Variants in GALNT17 observed in about 807,000 individuals in gnomAD.
The protein encoded by GALNT17 is polypeptide N-acetylgalactosaminyltransferase 17.
GALNT17 carries 29 observed loss-of-function variants against 63.7 expected under a neutral mutation model. That is an observed-to-expected ratio of 0.46 (90% CI 0.34 to 0.62). The LOEUF is 0.62. Among genes scored for constraint, GALNT17 ranks in the 20% least tolerant of loss-of-function variants. The pLI is 0.01. For missense variants in GALNT17, 603 were observed against 799.6 expected (o/e 0.75, Z 2.97); for synonymous variants, 305 against 318.3 (o/e 0.96, Z 0.45).
chr7:71,659,923 A>T (rs1309361320), intron 6 of GALNT17, among the ~76,000 whole-genome samples: 2 of 152,262 alleles, frequency 1.3e-5, no homozygotes, highest in East Asian at 3.9e-4. Flanking sequence ...GCTTTCTCTG[A>T]GCCCACTGGC....
At chr7:71,562,472 A>G (rs952374048) in intron 5 of GALNT17, among the ~76,000 whole-genome samples, 2 of 152,178 alleles carry the variant, frequency 1.3e-5, no homozygotes, top group African/African-American at 4.8e-5. Flanking sequence ...TCCTGCAACT[A>G]GAGGGTCCCA....
intron 6 of GALNT17, among the ~76,000 whole-genome samples, chr7:71,614,724 CAGAA>C (rs905531776): frequency 3.3e-4 from 48 of 146,536 alleles, no homozygotes; most frequent in African/African-American, 6.9e-4. Context: ...AAAAAAGAAA[CAGAA>C]AGAAAAAGAA....
At chr7:71,454,579 A>G (rs772798360) in intron 5 of GALNT17, among the ~76,000 whole-genome samples, 68 of 152,194 alleles carry the variant, frequency 4.5e-4, no homozygotes, top group Non-Finnish European at 9.0e-4. Flanking sequence ...GAAGCCAGAA[A>G]TACTTTGAGA....
At chr7:71,496,562 C>G (rs561525268) in intron 5 of GALNT17, among the ~76,000 whole-genome samples, 1 of 152,236 alleles carries the variant, frequency 6.6e-6, no homozygotes, top group South Asian at 2.1e-4. Flanking sequence ...TTCCACCTGC[C>G]CTCCTTCCCC....
Position 71,378,835 on chromosome 7 carries a change from T to A in GALNT17, c.423-9400T>A, listed in dbSNP as rs555843312. The stretch of plus-strand genomic sequence containing the variant: ...CCCATCTCTACAAAAAAAAAATAAA[T>A]AAATAAATAAAAATAAATTAGCCAG... On this transcript the variant is annotated intron_variant, in intron 2 of 10. Transcript: ENST00000333538. Among the ~76,000 whole-genome samples the A allele has an allele frequency of 2.9e-3, 434 of 150,826 alleles. 4 individuals carry two copies. Among genetic ancestry groups the A allele is most frequent in the Middle Eastern group, 3.4e-3 (1 of 294 alleles).
chr7:71,571,240 G>A (rs779950716), intron 5 of GALNT17, 45 bp from the exon 6 acceptor site: 2 of 1,558,222 alleles, frequency 1.3e-6, no homozygotes, highest in Admixed American at 1.7e-5. Context: ...AAGGGCTTCT[G>A]GCACTGACAC....
chr7:71,554,046 C>T (rs2116838154), intron 5 of GALNT17, among the ~76,000 whole-genome samples: 1 of 152,312 alleles, frequency 6.6e-6, no homozygotes, highest in Middle Eastern at 3.4e-3. Flanking sequence ...TAGCCGATGC[C>T]CTTGGCCCTG....
chr7:71,205,156 T>TC (rs1789248558), intron 1 of GALNT17, among the ~76,000 whole-genome samples: 1 of 68,446 alleles, frequency 1.5e-5, no homozygotes, highest in Non-Finnish European at 2.5e-5. Context: ...TTTTTACTTT[T>TC]TTTTTTTTTT....
chr7:71,407,606 G>A (rs1793352279), intron 3 of GALNT17, among the ~76,000 whole-genome samples: 1 of 152,096 alleles, frequency 6.6e-6, no homozygotes, highest in Non-Finnish European at 1.5e-5. Flanking sequence ...AAATTAGCCG[G>A]ACATGGTGGT....
chr7:71,607,111 G>A (rs560270047), intron 6 of GALNT17, among the ~76,000 whole-genome samples: 1 of 152,104 alleles, frequency 6.6e-6, no homozygotes, highest in Non-Finnish European at 1.5e-5. Context: ...GTTCAAGGCT[G>A]CAGTGAGCCA....
At chr7:71,282,220 G>T (rs754275807) in intron 1 of GALNT17, among the ~76,000 whole-genome samples, 1 of 152,194 alleles carries the variant, frequency 6.6e-6, no homozygotes, top group African/African-American at 2.4e-5. Context: ...TCCTAATGAC[G>T]ACTGGCAGGT....
At chr7:71,335,020 C>T (rs1791872856) in intron 1 of GALNT17, among the ~76,000 whole-genome samples, 1 of 152,200 alleles carries the variant, frequency 6.6e-6, no homozygotes, top group African/African-American at 2.4e-5. Flanking sequence ...AGTTCTGTCT[C>T]ATTTCCTATG....
chr7:71,601,219 A>G lies in GALNT17; in HGVS notation c.1080+29817A>G, dbSNP rs549050111. Reference sequence around the variant, plus strand: ...ATTTGATTGGTTCCATGATTTTGCAATTATAAATTGTGCTGCCGTAAACAT... The same window carrying G: ...ATTTGATTGGTTCCATGATTTTGCAGTTATAAATTGTGCTGCCGTAAACAT... On this transcript the variant is annotated intron_variant, in intron 6 of 10. Transcript: ENST00000333538. Among the ~76,000 whole-genome samples, 54 of 152,092 alleles carry G rather than the reference A, an allele frequency of 3.6e-4. No homozygotes were observed. In the East Asian group the frequency reaches 3.7e-3, roughly 10 times the overall value.
At chr7:71,627,808 C>G (rs532564118) in intron 6 of GALNT17, among the ~76,000 whole-genome samples, 1 of 152,264 alleles carries the variant, frequency 6.6e-6, no homozygotes, top group African/African-American at 2.4e-5. Flanking sequence ...AATGCCCCCC[C>G]GCCCCATAGA....
intron 1 of GALNT17, among the ~76,000 whole-genome samples, chr7:71,316,224 T>G: frequency 7.5e-6 from 1 of 133,460 alleles, no homozygotes; most frequent in African/African-American, 3.1e-5. Context: ...TCCTGATCTG[T>G]GGGTCTGATC....
chr7:71,603,454 T>C (rs916811690), intron 6 of GALNT17, among the ~76,000 whole-genome samples: 3 of 151,876 alleles, frequency 2.0e-5, no homozygotes, highest in Non-Finnish European at 4.4e-5. Flanking sequence ...GAAGTGCATA[T>C]ACCAGGTACT....
At chr7:71,223,168 G>T (rs1244705732) in intron 1 of GALNT17, among the ~76,000 whole-genome samples, 1 of 152,100 alleles carries the variant, frequency 6.6e-6, no homozygotes, top group African/African-American at 2.4e-5. Context: ...TATATACTCG[G>T]AGGCTATGCA....
At position 71,424,443 on chromosome 7, in the gene GALNT17, C is replaced by T. The variant is rs111535841; in HGVS notation, c.962+3338C>T. Among the ~76,000 whole-genome samples, 1,072 of 152,304 alleles carry T rather than the reference C, an allele frequency of 7.0e-3. 18 individuals are homozygous for T. The highest frequency in any genetic ancestry group is 0.025 in the African/African-American group (1,019 of 41,556). On this transcript the variant is annotated intron_variant, in intron 5 of 10. Coordinates refer to ENST00000333538, the MANE Select transcript of GALNT17 (RefSeq NM_022479.3). ...GTGCCTTCGGATGCCCAGCAAACATCTGTAATGATTGTCTCTGGGTGTGTA... is the reference window on the plus strand; with the variant it reads ...GTGCCTTCGGATGCCCAGCAAACATTTGTAATGATTGTCTCTGGGTGTGTA...
chr7:71,224,920 A>T (rs10281738), intron 1 of GALNT17, among the ~76,000 whole-genome samples: 2,272 of 152,248 alleles, frequency 0.015, 53 homozygotes, highest in African/African-American at 0.052. Context: ...TGTTGAAACC[A>T]ATCTATATTG....
Sources: gnomAD v4.1 joint callset for allele counts (sites outside exome capture counted in the v4.1 genomes callset) on GRCh38, gnomAD v4.1.1 for gene constraint, MANE v1.5 for transcripts, NCBI Gene and HGNC (gene_info 2026-07-23, HGNC 2026-07-21) for gene names.